Variants in SMIM22 observed in about 807,000 individuals in gnomAD.
SMIM22 encodes small integral membrane protein 22.
In SMIM22, 16 loss-of-function variants were observed where a neutral mutation model predicts 8.4. That is an observed-to-expected ratio of 1.90 (90% CI 1.29 to 2.89). The LOEUF is 2.89. Ranked by LOEUF, SMIM22 falls within the 30% of genes most tolerant of loss-of-function variation. SMIM22 has a pLI of 0.00. For synonymous variants in SMIM22, 67 were observed against 47.6 expected (o/e 1.41, Z -1.68); for missense variants, 159 against 107.5 (o/e 1.48, Z -2.12).
chr16:4,795,425 T>G lies in SMIM22; in HGVS notation c.-45T>G. The G allele has an allele frequency of 2.2e-5, 8 of 358,962 alleles. No individual in the cohort carries two copies. Among genetic ancestry groups the G allele is most frequent in the East Asian group, 1.3e-4 (2 of 15,434 alleles). The allele number at this position is 358,962 out of a possible 1,614,324, so 22.2% of individuals were successfully genotyped here. A position where few individuals can be genotyped will look rare whatever the true frequency, so the allele number is the denominator to read the frequency against. The stretch of plus-strand genomic sequence containing the variant: ...CTGTGCTCCCCAGGACCTGCCTGGT[T>G]GGGGGAATTGGAGGCTTCTAGGAGG... On this transcript the variant is annotated 5_prime_UTR_variant, in exon 1 of 4. Transcript: ENST00000586005.
intron 2 of SMIM22, chr16:4,789,868 A>C (rs951368169): frequency 2.6e-5 from 4 of 150,982 alleles, no homozygotes; most frequent in Non-Finnish European, 5.9e-5. Flanking sequence ...CTATTGGCAA[A>C]TGTTTTCTCT....
At position 4,796,198 on chromosome 16, in the gene SMIM22, C is replaced by G; in HGVS notation, c.234C>G (p.Pro78=). The change falls in exon 4 of 4, where the codon CCC becomes CCG. Residue 78 remains proline, a synonymous_variant. Transcript: ENST00000586005. ...PRKVSPWKER[P]KGVDNLALEP The stretch of plus-strand genomic sequence containing the variant: ...CTGTGCTTCTCGTGCAGGAAAGACC[C>G]AAGGGAGTGGATAACTTGGCCCTGG... The G allele has an allele frequency of 6.5e-7, 1 of 1,536,004 alleles. No individual in the cohort carries two copies. The highest frequency in any genetic ancestry group is 8.7e-7 in the Non-Finnish European group (1 of 1,146,856).
At chr16:4,795,043 C>T (rs895210822), upstream of SMIM22, 1 of 152,572 alleles carries the variant, frequency 6.6e-6, no homozygotes, top group Non-Finnish European at 1.5e-5. Context: ...TGCAGGCACA[C>T]CTGTCCTAGC....
chr16:4,793,720 G>A (rs2082589563), upstream of SMIM22, among the ~76,000 whole-genome samples: 4 of 152,132 alleles, frequency 2.6e-5, no homozygotes, highest in Admixed American at 2.6e-4. Context: ...TTTGCTTACT[G>A]TTCCCTATAC....
chr16:4,792,173 G>A (rs2082560495), upstream of SMIM22, among the ~76,000 whole-genome samples: 1 of 152,000 alleles, frequency 6.6e-6, no homozygotes, highest in Admixed American at 6.6e-5. Flanking sequence ...CTGGAGCAGG[G>A]GCCACAGTTG....
At chr16:4,791,080 C>T (rs930375559), upstream of SMIM22, among the ~76,000 whole-genome samples, 2 of 152,180 alleles carry the variant, frequency 1.3e-5, no homozygotes, top group African/African-American at 4.8e-5. Flanking sequence ...TGGGGATGTC[C>T]CCTAAGGAAA....
intron 2 of SMIM22, among the ~76,000 whole-genome samples, chr16:4,789,533 A>G (rs2082517713): frequency 6.6e-6 from 1 of 151,934 alleles, no homozygotes; most frequent in Non-Finnish European, 1.5e-5. Context: ...TCCCTGTGTT[A>G]GCCAGGATGG....
Position 4,795,857 on chromosome 16 carries a change from G to A in SMIM22, c.123G>A (p.Met41Ile), listed in dbSNP as rs1263974096. The change falls in exon 2 of 4, where the codon ATG (methionine) becomes ATA (isoleucine). Residue 41 changes from methionine (M) to isoleucine (I), a missense_variant and splice_region_variant. Physicochemically the swap from Met to Ile is conservative, Grantham distance 10. Transcript: ENST00000586005. ...TVAFIVFLTF[M>I]GTVLLLLLLV... ...CCTTCATTGTTTTCCTCACCTTCAT[G>A]GGTAAGTGTGGCTGTGGCCTCTGGG... The A allele has an allele frequency of 7.2e-6, 11 of 1,535,728 alleles. No homozygotes were observed. The highest frequency in any genetic ancestry group is 9.6e-6 in the Non-Finnish European group (11 of 1,146,738).
chr16:4,794,628 C>G (rs1234818810), upstream of SMIM22, among the ~76,000 whole-genome samples: 2 of 152,140 alleles, frequency 1.3e-5, no homozygotes, highest in South Asian at 4.1e-4. Context: ...CCACGTTGGT[C>G]AGTCAGGCTG....
upstream of SMIM22, among the ~76,000 whole-genome samples, chr16:4,793,109 CA>C (rs3085033): frequency 2.1e-3 from 141 of 67,506 alleles, no homozygotes; most frequent in Middle Eastern, 0.017. Context: ...AACTCTGTCT[CA>C]AAAAAAAAAA....
In SMIM22 at chr16:4,796,361, C is replaced by G. The variant is rs904061616; in HGVS notation, c.*130C>G. Reference sequence around the variant, plus strand: ...CCGCCCCACTCAGGTGGCCACCTGGCCTCTCCAAGCCTTCAGTCAGCACGA... The same window carrying G: ...CCGCCCCACTCAGGTGGCCACCTGGGCTCTCCAAGCCTTCAGTCAGCACGA... On this transcript the variant is annotated 3_prime_UTR_variant, in exon 4 of 4. Coordinates refer to ENST00000586005, the MANE Select transcript of SMIM22 (RefSeq NM_001253794.2). 4.7e-5 allele frequency: 48 copies of G among 1,014,610 alleles called. No homozygotes were observed. The highest frequency in any genetic ancestry group is 6.3e-5 in the Non-Finnish European group (44 of 700,102). The allele number at this position is 1,014,610 out of a possible 1,614,324, so 62.9% of individuals were successfully genotyped here. A position where few individuals can be genotyped will look rare whatever the true frequency, so the allele number is the denominator to read the frequency against.
In SMIM22 at chr16:4,795,639, G is replaced by T. The variant is rs1555490421; in HGVS notation, c.-20-76G>T. The T allele has an allele frequency of 6.1e-6, 9 of 1,475,848 alleles. No homozygotes were observed. The South Asian group carries it at 1.1e-4, about 17-fold the overall frequency. 91.4% of individuals were successfully genotyped at this position (1,475,848 alleles called of 1,614,324 possible). ...TGGGCCAGGAGCGGGCAGTGGCTGG[G>T]CTGTGGGAAGCCTGGATGTGGTCCC... On this transcript the variant is annotated intron_variant, in intron 1 of 3. Transcript: ENST00000586005.
At chr16:4,791,178 G>GA (rs1187738435), upstream of SMIM22, among the ~76,000 whole-genome samples, 1 of 152,250 alleles carries the variant, frequency 6.6e-6, no homozygotes, top group Non-Finnish European at 1.5e-5. Context: ...GCGGTGAGGG[G>GA]AGGAGCCTCA....
intron 2 of SMIM22, among the ~76,000 whole-genome samples, chr16:4,789,436 C>G (rs2082515456): frequency 6.6e-6 from 1 of 152,056 alleles, no homozygotes; most frequent in African/African-American, 2.4e-5. Context: ...CGCCGCTCTC[C>G]TGCCTCAGCC....
upstream of SMIM22, among the ~76,000 whole-genome samples, chr16:4,792,339 C>T (rs544001967): frequency 9.9e-5 from 15 of 151,310 alleles, no homozygotes; most frequent in South Asian, 1.3e-3. Context: ...TACAGGTGCC[C>T]GCCACCACGC....
upstream of SMIM22, among the ~76,000 whole-genome samples, chr16:4,794,424 CTTT>C (rs535561223): frequency 7.9e-3 from 1,012 of 127,532 alleles, 9 homozygotes; most frequent in African/African-American, 0.028. Flanking sequence ...GTATTTTTAT[CTTT>C]TTTTTTTTTT....
upstream of SMIM22, among the ~76,000 whole-genome samples, chr16:4,794,108 GTAT>G (rs879520109): frequency 1.1e-4 from 16 of 146,448 alleles, no homozygotes; most frequent in African/African-American, 2.5e-4. Context: ...GGTAATTTTT[GTAT>G]TATTATTATT....
rs1013556107 is a variant in SMIM22, at chr16:4,795,729, G to A, written c.-6G>A. On this transcript the variant is annotated 5_prime_UTR_variant, in exon 2 of 4. Transcript: ENST00000586005. ...GACCGGGGCAGGTGGCACGGTGCAC[G>A]CCAAGATGGCTGTGTCCACAGAGGA... 7.2e-6 allele frequency: 11 copies of A among 1,535,364 alleles called. No individual in the cohort carries two copies. Among genetic ancestry groups the A allele is most frequent in the South Asian group, 2.4e-5 (2 of 84,044 alleles).
intron 3 of SMIM22, 21 bp from the exon 4 acceptor site, chr16:4,796,169 C>T (rs2082641612): frequency 1.3e-6 from 2 of 1,535,964 alleles, no homozygotes; most frequent in Admixed American, 2.0e-5. Context: ...CCTGCTTGGT[C>T]CCGCTGTGCT....
Sources: gnomAD v4.1 joint callset for allele counts (sites outside exome capture counted in the v4.1 genomes callset) on GRCh38, gnomAD v4.1.1 for gene constraint, MANE v1.5 for transcripts, NCBI Gene and HGNC (gene_info 2026-07-23, HGNC 2026-07-21) for gene names.